MTUS2: variants seen among roughly 807,000 people sequenced by gnomAD.
MTUS2 encodes microtubule-associated tumor suppressor candidate 2.
Under a neutral mutation model 114.1 loss-of-function variants are expected in MTUS2, and 40 were observed. The observed-to-expected ratio is 0.35, with a 90% confidence interval of 0.27 to 0.46. The LOEUF is 0.46. MTUS2 is among the 20% of genes least tolerant of loss of function. The probability of loss-of-function intolerance (pLI) is 1.00; values close to 1 mark genes in which losing one functional copy is unlikely to be tolerated. For synonymous variants in MTUS2, 688 were observed against 672.0 expected (o/e 1.02, Z -0.37); for missense variants, 1,679 against 1,705.4 (o/e 0.98, Z 0.27).
chr13:29,286,668 G>GTCTATCTATCTATCTATCTATCTA (rs746176943), intron 6 of MTUS2, among the ~76,000 whole-genome samples: 2,456 of 78,830 alleles, frequency 0.031, 32 homozygotes, highest in African/African-American at 0.058. Context: ...CTGTCTGTCT[G>GTCTATCTATCTATCTATCTATCTA]TCTGTCTATC....
Position 29,359,369 on chromosome 13 carries a change from T to A in MTUS2, c.3013T>A (p.Cys1005Ser). 1 of 1,612,902 alleles carries A rather than the reference T, an allele frequency of 6.2e-7. No individual in the cohort carries two copies. Among genetic ancestry groups the A allele is most frequent in the East Asian group, 2.2e-5 (1 of 44,842 alleles). Residue 1005 changes from cysteine to serine, a missense_variant, in exon 8 of 16, where the codon TGT becomes AGT. Physicochemically the swap from Cys to Ser is moderately radical, Grantham distance 112. Transcript: ENST00000612955. ...RQLVLRLKER[C>S]EQQTRQLGVA... is the part of the protein sequence containing the mutation. Reference sequence around the variant, plus strand: ...GCTGGTGCTGCGGCTGAAGGAGCGGTGTGAGCAGCAGACCAGACAGCTGGG... The same window carrying A: ...GCTGGTGCTGCGGCTGAAGGAGCGGAGTGAGCAGCAGACCAGACAGCTGGG...
intron 7 of MTUS2, among the ~76,000 whole-genome samples, chr13:29,335,252 G>A (rs187613402): frequency 9.5e-4 from 144 of 152,278 alleles, no homozygotes; most frequent in African/African-American, 3.4e-3. Context: ...GTAGATAAGG[G>A]ATGAAATAAG....
At chr13:28,967,294 A>G (rs917676250) in intron 2 of MTUS2, among the ~76,000 whole-genome samples, 2 of 152,140 alleles carry the variant, frequency 1.3e-5, no homozygotes. Flanking sequence ...TTTACTATTT[A>G]TATTGCCGGG....
intron 2 of MTUS2, among the ~76,000 whole-genome samples, chr13:28,988,629 C>T (rs1240597679): frequency 6.6e-6 from 1 of 152,066 alleles, no homozygotes; most frequent in Non-Finnish European, 1.5e-5. Flanking sequence ...ACTGAATGTA[C>T]AAAGTGTTCA....
chr13:28,932,681 A>C (rs888349800), intron 2 of MTUS2, among the ~76,000 whole-genome samples: 2 of 152,220 alleles, frequency 1.3e-5, no homozygotes, highest in African/African-American at 4.8e-5. Context: ...CTGAGCTTCA[A>C]CCCATGTGCA....
intron 2 of MTUS2, among the ~76,000 whole-genome samples, chr13:28,962,095 T>A (rs1216521437): frequency 6.6e-6 from 1 of 151,584 alleles, no homozygotes; most frequent in South Asian, 2.1e-4. Context: ...TATATACATA[T>A]AAAATGAAGA....
intron 2 of MTUS2, among the ~76,000 whole-genome samples, chr13:29,014,800 C>G (rs1241922059): frequency 6.6e-6 from 1 of 152,194 alleles, no homozygotes; most frequent in Non-Finnish European, 1.5e-5. Flanking sequence ...CAAAACATAA[C>G]CTGATCTGAT....
chr13:29,386,692 A>T (rs1015839399), intron 8 of MTUS2, among the ~76,000 whole-genome samples: 2 of 152,178 alleles, frequency 1.3e-5, no homozygotes, highest in Admixed American at 1.3e-4. Flanking sequence ...GTATTTATTC[A>T]TGTATATTAT....
chr13:29,016,866 G>A (rs908346059), intron 2 of MTUS2, among the ~76,000 whole-genome samples: 4 of 152,164 alleles, frequency 2.6e-5, no homozygotes, highest in Non-Finnish European at 5.9e-5. Context: ...ATGTATTTTA[G>A]CATCTCCCAA....
At chr13:29,209,423 C>T (rs1895329674) in intron 5 of MTUS2, among the ~76,000 whole-genome samples, 2 of 151,412 alleles carry the variant, frequency 1.3e-5, no homozygotes, top group African/African-American at 4.8e-5. Flanking sequence ...CATTTACATT[C>T]AATGTCAGTG....
chr13:29,014,476 A>T (rs191764371), intron 2 of MTUS2, among the ~76,000 whole-genome samples: 3 of 152,352 alleles, frequency 2.0e-5, no homozygotes, highest in African/African-American at 7.2e-5. Flanking sequence ...GGTCACTGGG[A>T]TCTGTGGTGA....
chr13:29,408,327 T>A (rs867054205), intron 8 of MTUS2, among the ~76,000 whole-genome samples: 3 of 152,246 alleles, frequency 2.0e-5, no homozygotes, highest in African/African-American at 4.8e-5. Flanking sequence ...TAAAAAAAAA[T>A]TATTTTGACA....
chr13:29,186,585 A>C (rs1894233445), intron 5 of MTUS2, among the ~76,000 whole-genome samples: 1 of 152,254 alleles, frequency 6.6e-6, no homozygotes, highest in Admixed American at 6.5e-5. Flanking sequence ...AACAATTATG[A>C]ACATTAATGC....
intron 5 of MTUS2, among the ~76,000 whole-genome samples, chr13:29,173,164 A>G (rs1893632442): frequency 6.6e-6 from 1 of 152,102 alleles, no homozygotes; most frequent in Non-Finnish European, 1.5e-5. Flanking sequence ...GTATGTTAAA[A>G]TCAATATCTC....
intron 2 of MTUS2, among the ~76,000 whole-genome samples, chr13:28,956,475 AC>A (rs1883073047): frequency 6.6e-6 from 1 of 152,024 alleles, no homozygotes; most frequent in Non-Finnish European, 1.5e-5. Flanking sequence ...TCCCAGTAAA[AC>A]TTGGTTGGCT....
intron 5 of MTUS2, among the ~76,000 whole-genome samples, chr13:29,243,684 A>G (rs1441300488): frequency 6.6e-6 from 1 of 152,202 alleles, no homozygotes; most frequent in African/African-American, 2.4e-5. Context: ...TGAAAATATT[A>G]ATATAAGAGA....
At chr13:29,009,080 G>A (rs1202443948) in intron 2 of MTUS2, among the ~76,000 whole-genome samples, 3 of 150,868 alleles carry the variant, frequency 2.0e-5, no homozygotes, top group Admixed American at 6.6e-5. Context: ...TGCCTTCTTT[G>A]ATTTTTACAT....
At chr13:29,358,738 G>T (rs1381064984) in intron 7 of MTUS2, among the ~76,000 whole-genome samples, 1 of 152,190 alleles carries the variant, frequency 6.6e-6, no homozygotes, top group Admixed American at 6.5e-5. Flanking sequence ...GGAATTTAAA[G>T]TCAGGAGTTG....
chr13:28,912,446 A>G (rs1453538713), intron 2 of MTUS2, among the ~76,000 whole-genome samples: 1 of 152,210 alleles, frequency 6.6e-6, no homozygotes, highest in Non-Finnish European at 1.5e-5. Flanking sequence ...AGGTAGCGTG[A>G]TGCCTCCAGC....
Sources: gnomAD v4.1 joint callset for allele counts (sites outside exome capture counted in the v4.1 genomes callset) on GRCh38, gnomAD v4.1.1 for gene constraint, MANE v1.5 for transcripts, NCBI Gene and HGNC (gene_info 2026-07-23, HGNC 2026-07-21) for gene names.